AHR: variants seen among roughly 807,000 people sequenced by gnomAD.
AHR encodes the protein aryl hydrocarbon receptor.
In AHR, 40 loss-of-function variants were observed where a neutral mutation model predicts 86.8. The ratio of observed to expected loss-of-function variants is 0.46; its 90% confidence interval spans 0.36 to 0.60. The LOEUF (loss-of-function observed/expected upper bound fraction) is 0.60, where lower values mean the gene tolerates loss of function less well. Among genes scored for constraint, AHR ranks in the 20% least tolerant of loss-of-function variants. The probability of loss-of-function intolerance (pLI) is 0.00; values close to 1 mark genes in which losing one functional copy is unlikely to be tolerated. For missense variants in AHR, 1,001 were observed against 1,011.6 expected (o/e 0.99, Z 0.14); for synonymous variants, 398 against 354.9 (o/e 1.12, Z -1.37).
chr7:17,340,235 G>T lies in AHR; in HGVS notation c.2403+7G>T. 1.9e-6 allele frequency: 3 copies of T among 1,582,424 alleles called. No individual in the cohort carries two copies. Among genetic ancestry groups the T allele is most frequent in the Non-Finnish European group, 1.7e-6 (2 of 1,164,584 alleles). On this transcript the variant is annotated splice_region_variant and intron_variant, in intron 10 of 10. Transcript: ENST00000242057. ...ACAGGCATTTTTAAACAAGGTAAGG[G>T]TGTTATCAAACTGAATTAAATCTTT... is the stretch of plus-strand genomic sequence containing the variant.
At chr7:17,335,567 C>T in intron 8 of AHR, 78 bp from the exon 9 acceptor site, 1 of 1,267,594 alleles carries the variant, frequency 7.9e-7, no homozygotes, top group Non-Finnish European at 1.1e-6. Flanking sequence ...AACTATGTCA[C>T]AAGAGCTTTG....
chr7:17,299,275 G>T lies in AHR; in HGVS notation c.11G>T (p.Ser4Ile). The T allele has an allele frequency of 6.2e-7, 1 of 1,612,290 alleles. No homozygotes were observed. The stretch of plus-strand genomic sequence containing the variant: ...CGTCGGCTGGGCACCATGAACAGCA[G>T]CAGCGCCAACATCACCTACGCCAGT... MNS[S>I]SANITYASRK... The change falls in exon 1 of 11, where the codon AGC becomes ATC. Residue 4 changes from serine to isoleucine, a missense_variant. By Grantham distance (142) the Ser-to-Ile change is moderately radical (BLOSUM62 -2). Coordinates refer to ENST00000242057, the MANE Select transcript of AHR (RefSeq NM_001621.5).
chr7:17,331,728 G>A (rs540423085), intron 6 of AHR, among the ~76,000 whole-genome samples: 1 of 152,074 alleles, frequency 6.6e-6, no homozygotes, highest in South Asian at 2.1e-4. Flanking sequence ...CATAGGAGTT[G>A]ACTGTAGGGA....
At chr7:17,323,844 A>C (rs1782198794) in intron 3 of AHR, among the ~76,000 whole-genome samples, 1 of 152,236 alleles carries the variant, frequency 6.6e-6, no homozygotes, top group Non-Finnish European at 1.5e-5. Flanking sequence ...CCCAAACATA[A>C]AGACTCCTTA....
intron 2 of AHR, among the ~76,000 whole-genome samples, chr7:17,317,194 A>G (rs1584033749): frequency 9.0e-6 from 1 of 110,838 alleles, no homozygotes; most frequent in Admixed American, 1.0e-4. Flanking sequence ...CCCTTTGTTT[A>G]ATTAATTTCA....
chr7:17,342,580 G>C (rs1782437572), intron 10 of AHR, among the ~76,000 whole-genome samples: 1 of 152,056 alleles, frequency 6.6e-6, no homozygotes, highest in Non-Finnish European at 1.5e-5. Flanking sequence ...ACTTATGATA[G>C]AGAATATTTA....
chr7:17,337,885 T>C (rs1056028242), intron 9 of AHR, among the ~76,000 whole-genome samples: 9 of 152,076 alleles, frequency 5.9e-5, no homozygotes, highest in African/African-American at 2.2e-4. Context: ...GAGCTCTTTA[T>C]TATGGATATG....
intron 1 of AHR, among the ~76,000 whole-genome samples, chr7:17,308,392 C>A (rs1046536356): frequency 6.6e-6 from 1 of 152,060 alleles, no homozygotes; most frequent in African/African-American, 2.4e-5. Flanking sequence ...GCTCCCATAA[C>A]ACTTTTTGAA....
At chr7:17,336,310 G>GT in intron 9 of AHR, among the ~76,000 whole-genome samples, 1 of 152,178 alleles carries the variant, frequency 6.6e-6, no homozygotes, top group East Asian at 1.9e-4. Context: ...GAAGGTCATT[G>GT]TTTCCCGGCT....
intron 3 of AHR, among the ~76,000 whole-genome samples, chr7:17,324,513 T>G (rs771259490): frequency 1.2e-4 from 18 of 152,164 alleles, no homozygotes; most frequent in Non-Finnish European, 5.9e-5. Context: ...ACAAAAATTT[T>G]TATTAAAGGC....
chr7:17,325,884 A>G (rs1232295840), intron 3 of AHR, among the ~76,000 whole-genome samples: 1 of 152,198 alleles, frequency 6.6e-6, no homozygotes, highest in East Asian at 1.9e-4. Context: ...AATCTGTACA[A>G]CAAACCCTCA....
intron 1 of AHR, among the ~76,000 whole-genome samples, chr7:17,305,558 T>C (rs1056971937): frequency 6.6e-6 from 1 of 151,994 alleles, no homozygotes; most frequent in Non-Finnish European, 1.5e-5. Flanking sequence ...GTACAGGGAC[T>C]GGAAATAAAG....
At chr7:17,309,378 A>G (rs924880475) in intron 1 of AHR, among the ~76,000 whole-genome samples, 1 of 152,238 alleles carries the variant, frequency 6.6e-6, no homozygotes, top group African/African-American at 2.4e-5. Flanking sequence ...ACCACATTAG[A>G]TGGCTGGAGG....
chr7:17,317,907 G>A lies in AHR; in HGVS notation c.254-4594G>A, dbSNP rs535032653. ...AATTAACTGCTCTTGTTCCATTAAT[G>A]CAGAGATTTGTCATATAGTTATAGA... On this transcript the variant is annotated intron_variant, in intron 2 of 10. Transcript: ENST00000242057. 1.7e-3 allele frequency among the ~76,000 whole-genome samples: 262 copies of A among 151,948 alleles called. 1 individual carries two copies. In the Middle Eastern group the frequency reaches 0.068, roughly 39 times the overall value.
In AHR at chr7:17,345,894, C is replaced by T. The variant is rs1782478391; in HGVS notation, c.*2830C>T. On this transcript the variant is annotated 3_prime_UTR_variant, in exon 11 of 11. Transcript: ENST00000242057. ...ATGGATGTGTCTAATTTAGTCTTTT[C>T]CTGTACCAGGTTTTTCTTACAATAC... The T allele has an allele frequency of 6.6e-6, 1 of 152,536 alleles. No individual in the cohort carries two copies. Among genetic ancestry groups the T allele is most frequent in the Non-Finnish European group, 1.5e-5 (1 of 67,988 alleles). 9.4% of individuals were successfully genotyped at this position (152,536 alleles called of 1,614,324 possible).
At chr7:17,299,527 A>T (rs1464180759) in intron 1 of AHR, among the ~76,000 whole-genome samples, 198 bp downstream of exon 1, 1 of 152,170 alleles carries the variant, frequency 6.6e-6, no homozygotes, top group Admixed American at 6.5e-5. Context: ...ATTGCATTTT[A>T]AAAATTGTCC....
intron 1 of AHR, among the ~76,000 whole-genome samples, chr7:17,305,104 T>A (rs1483054406): frequency 6.6e-6 from 1 of 152,076 alleles, no homozygotes; most frequent in Non-Finnish European, 1.5e-5. Context: ...AAAGAACTCA[T>A]CACAATTATA....
At chr7:17,341,654 G>C (rs571977573) in intron 10 of AHR, among the ~76,000 whole-genome samples, 2 of 152,094 alleles carry the variant, frequency 1.3e-5, no homozygotes, top group African/African-American at 2.4e-5. Context: ...TGGATTTTTG[G>C]ATTTTGAAGA....
In AHR at chr7:17,298,956, G is replaced by T; in HGVS notation, c.-309G>T. 1 of 441,074 alleles carries T rather than the reference G, an allele frequency of 2.3e-6. No individual in the cohort carries two copies. Among genetic ancestry groups the T allele is most frequent in the Non-Finnish European group, 3.9e-6 (1 of 253,540 alleles). The allele number at this position is 441,074 out of a possible 1,614,324, so 27.3% of individuals were successfully genotyped here. A position where few individuals can be genotyped will look rare whatever the true frequency, so the allele number is the denominator to read the frequency against. On this transcript the variant is annotated 5_prime_UTR_variant, in exon 1 of 11. Transcript: ENST00000242057. The stretch of plus-strand genomic sequence containing the variant: ...TCCGCCCGGGCCGCCTCACCTGCGG[G>T]CATTGCCGCGCCGCCTCCGCCGGTG...
Sources: allele counts gnomAD v4.1 joint callset (sites outside exome capture counted in the v4.1 genomes callset), GRCh38; gene constraint gnomAD v4.1.1; transcripts MANE v1.5; gene names NCBI Gene and HGNC (gene_info 2026-07-23, HGNC 2026-07-21).